The following FERRY3 variants were observed in gnomAD, a reference collection of about 807,000 sequenced individuals.
FERRY3 encodes protein C12orf4.
At chr12:4,536,890 A>G in the FERRY3 span, among the ~76,000 whole-genome samples, 1 of 152,214 alleles carries the variant, frequency 6.6e-6, no homozygotes, top group African/African-American at 2.4e-5. Context: ...TTCTCCCATC[A>G]AATCAGTTCT....
At chr12:4,524,287 A>G in the FERRY3 span, among the ~76,000 whole-genome samples, 1 of 152,224 alleles carries the variant, frequency 6.6e-6, no homozygotes, top group South Asian at 2.1e-4. Context: ...GTTGGAAAAT[A>G]AGGGATGTAG....
At chr12:4,508,894 TG>T in the FERRY3 span, 1 of 152,778 alleles carries the variant, frequency 6.5e-6, no homozygotes, top group Non-Finnish European at 1.5e-5. Flanking sequence ...ATTTAGGTCC[TG>T]GGGGGAGGAG....
the FERRY3 span, among the ~76,000 whole-genome samples, chr12:4,491,983 A>G: frequency 6.6e-6 from 1 of 152,186 alleles, no homozygotes; most frequent in Non-Finnish European, 1.5e-5. Flanking sequence ...GAGAGGTTGA[A>G]GCAGGAGGAT....
At chr12:4,490,632 C>G in the FERRY3 span, 1 of 1,477,836 alleles carries the variant, frequency 6.8e-7, no homozygotes, top group Non-Finnish European at 9.4e-7. Context: ...AAGTTCTGGC[C>G]TTCAAACCTA....
At chr12:4,518,285 A>G in the FERRY3 span, 18 of 1,597,850 alleles carry the variant, frequency 1.1e-5, no homozygotes, top group African/African-American at 1.5e-4. Context: ...CAGGAAAGAT[A>G]CTTAAGCAGC....
the FERRY3 span, among the ~76,000 whole-genome samples, chr12:4,532,247 A>T: frequency 6.6e-6 from 1 of 152,038 alleles, no homozygotes; most frequent in Non-Finnish European, 1.5e-5. Context: ...CTTTCACCAG[A>T]CACCTGCAAG....
At chr12:4,499,469 T>C in the FERRY3 span, among the ~76,000 whole-genome samples, 1 of 152,214 alleles carries the variant, frequency 6.6e-6, no homozygotes, top group Non-Finnish European at 1.5e-5. Flanking sequence ...CTTTATATTA[T>C]TTCTACAATG....
At chr12:4,500,179 T>C in the FERRY3 span, 1 of 1,614,024 alleles carries the variant, frequency 6.2e-7, no homozygotes, top group Non-Finnish European at 8.5e-7. Context: ...ATGCTTATTG[T>C]TGTGATGTCA....
the FERRY3 span, among the ~76,000 whole-genome samples, chr12:4,537,912 T>C: frequency 5.3e-5 from 8 of 152,292 alleles, no homozygotes; most frequent in Admixed American, 1.3e-4. Flanking sequence ...TTATTTATAA[T>C]ACCCCAAACT....
the FERRY3 span, among the ~76,000 whole-genome samples, chr12:4,529,656 TTTAC>T: frequency 6.6e-6 from 1 of 152,188 alleles, no homozygotes; most frequent in African/African-American, 2.4e-5. Context: ...ACCAGTATCA[TTTAC>T]TTAGTTAAAC....
chr12:4,490,448 G>C, the FERRY3 span: 1 of 1,201,646 alleles, frequency 8.3e-7, no homozygotes, highest in Non-Finnish European at 1.2e-6. Context: ...TTTTAGGGCA[G>C]GATGCCTAGC....
chr12:4,528,234 G>C, the FERRY3 span, among the ~76,000 whole-genome samples: 1 of 152,234 alleles, frequency 6.6e-6, no homozygotes, highest in Non-Finnish European at 1.5e-5. Context: ...AGGATGACTT[G>C]AAGGTTATAT....
chr12:4,490,005 G>T, the FERRY3 span: 1 of 688,720 alleles, frequency 1.5e-6, no homozygotes, highest in Non-Finnish European at 2.4e-6. Context: ...AGGAATATGT[G>T]AGTGCAGTAG....
At chr12:4,524,176 G>A in the FERRY3 span, among the ~76,000 whole-genome samples, 2 of 151,892 alleles carry the variant, frequency 1.3e-5, no homozygotes, top group African/African-American at 4.8e-5. Flanking sequence ...ACAATATACA[G>A]TATATATTTT....
At chr12:4,523,718 C>T in the FERRY3 span, among the ~76,000 whole-genome samples, 4 of 152,098 alleles carry the variant, frequency 2.6e-5, no homozygotes. Context: ...GACAAAAAAC[C>T]AAACACCGCA....
At chr12:4,517,574 TATATTCTAC>T in the FERRY3 span, among the ~76,000 whole-genome samples, 2 of 150,926 alleles carry the variant, frequency 1.3e-5, no homozygotes, top group Non-Finnish European at 3.0e-5. Context: ...ATATATTTTA[TATATTCTAC>T]ATTTTATATA....
the FERRY3 span, chr12:4,488,491 GAGAGTTTT>G: frequency 6.6e-6 from 1 of 152,256 alleles, no homozygotes; most frequent in Non-Finnish European, 1.5e-5. This position sits in a 1 kb window ranked among gnomAD's most constrained non-coding sequence, Gnocchi z 4.9. Flanking sequence ...AAATAATTTG[GAGAGTTTT>G]AGTGTCTAAT....
chr12:4,508,270 A>G, the FERRY3 span, among the ~76,000 whole-genome samples: 1 of 152,242 alleles, frequency 6.6e-6, no homozygotes, highest in South Asian at 2.1e-4. Flanking sequence ...ACTGTACAAC[A>G]GAAAATATAT....
the FERRY3 span, chr12:4,534,003 A>G: frequency 1.3e-6 from 1 of 742,872 alleles, no homozygotes; most frequent in Non-Finnish European, 2.0e-6. Context: ...TCACCCTGAT[A>G]TAGGAAGCAC....
Sources: gnomAD v4.1 joint callset for allele counts (sites outside exome capture counted in the v4.1 genomes callset) on GRCh38, gnomAD v4.1.1 for gene constraint, Gnocchi (gnomAD v3.1) non-coding constraint, MANE v1.5 for transcripts, NCBI Gene and HGNC (gene_info 2026-07-23, HGNC 2026-07-21) for gene names.